The following UTY variants were observed in gnomAD, a reference collection of about 807,000 sequenced individuals.
UTY encodes ubiquitously transcribed tetratricopeptide repeat containing, Y-linked.
In UTY, 12 loss-of-function variants were observed where a neutral mutation model predicts 32.5. The ratio of observed to expected loss-of-function variants is 0.37; its 90% CI spans 0.24 to 0.60. The LOEUF is 0.60. Among genes scored for constraint, UTY ranks in the 20% least tolerant of loss-of-function variants. UTY has a pLI of 0.69. For missense variants in UTY, 303 were observed against 299.2 expected, an observed-to-expected ratio of 1.01 and a Z score of -0.09; for synonymous variants, 131 against 103.4, an observed-to-expected ratio of 1.27 and a Z score of -1.62.
intron 4 of UTY, among the ~76,000 whole-genome samples, chrY:13,428,920 TA>T (rs2073682950): frequency 2.9e-5 from 1 of 33,906 alleles, no homozygotes; most frequent in African/African-American, 1.2e-4. Flanking sequence ...TATTCCTATA[TA>T]TTTTTTTGTA....
Position 13,335,829 on chromosome Y carries a change from A to G in UTY, c.2568T>C (p.Asp856=). 2.5e-6 allele frequency: 1 copy of G among 399,173 alleles called. No homozygotes were observed. Among genetic ancestry groups the G allele is most frequent in the Non-Finnish European group, 3.5e-6 (1 of 283,718 alleles). Residue 856 remains aspartate, a synonymous_variant, in exon 18 of 30, where the codon GAT becomes GAC. Transcript: ENST00000545955. ...NIHPAVHTKT[D]HSVASSPSSA... Reference sequence around the variant, plus strand: ...AAGAGGGTGAAGAGGCAACAGAATGATCAGTCTTTGTATGAACAGCTGGGT... The same window carrying G: ...AAGAGGGTGAAGAGGCAACAGAATGGTCAGTCTTTGTATGAACAGCTGGGT...
chrY:13,317,073 G>C, intron 21 of UTY, among the ~76,000 whole-genome samples: 1 of 33,009 alleles, frequency 3.0e-5, no homozygotes, highest in Non-Finnish European at 7.5e-5. Flanking sequence ...GCACAGTCTC[G>C]GCTCACTGCA....
At chrY:13,438,869 A>G in intron 4 of UTY, among the ~76,000 whole-genome samples, 1 of 32,987 alleles carries the variant, frequency 3.0e-5, no homozygotes, top group Non-Finnish European at 7.4e-5. Context: ...TCCTCTGCTC[A>G]AAAGGCTGAG....
chrY:13,435,429 G>A, intron 4 of UTY, among the ~76,000 whole-genome samples: 7 of 33,129 alleles, frequency 2.1e-4, no homozygotes, highest in Admixed American at 1.9e-3. Context: ...GAGCCTGACT[G>A]GTCAAGATAA....
intron 27 of UTY, among the ~76,000 whole-genome samples, chrY:13,291,704 CATAAA>C (rs2057770490): frequency 3.0e-5 from 1 of 32,981 alleles, no homozygotes; most frequent in African/African-American, 1.2e-4. Flanking sequence ...CAAGAACTAA[CATAAA>C]ATAAAATAAA....
chrY:13,458,032 C>A (rs951340407), intron 3 of UTY, among the ~76,000 whole-genome samples: 2 of 33,728 alleles, frequency 5.9e-5, no homozygotes, highest in Non-Finnish European at 1.5e-4. Context: ...ATCAATACTG[C>A]TTCATAATAC....
intron 10 of UTY, among the ~76,000 whole-genome samples, chrY:13,360,778 T>C (rs867797410): frequency 6.0e-5 from 2 of 33,418 alleles, no homozygotes; most frequent in African/African-American, 1.2e-4. Context: ...TCTGAAACTA[T>C]TGAAGATTTC....
At chrY:13,396,864 A>T in intron 7 of UTY, 54 bp downstream of exon 7, 2 of 239,990 alleles carry the variant, frequency 8.3e-6, no homozygotes, top group Non-Finnish European at 1.3e-5. Flanking sequence ...TCAGTAGAAA[A>T]AAAGGTATCA....
At chrY:13,301,022 A>C (rs1037834628) in intron 25 of UTY, among the ~76,000 whole-genome samples, 9 of 31,949 alleles carry the variant, frequency 2.8e-4, no homozygotes, top group Admixed American at 2.3e-3. Context: ...CCTCCCAAAT[A>C]GCTGGGACTA....
At chrY:13,449,974 A>T (rs974871477) in intron 3 of UTY, among the ~76,000 whole-genome samples, 26 of 33,743 alleles carry the variant, frequency 7.7e-4, no homozygotes, top group African/African-American at 2.9e-3. Flanking sequence ...CACTGAATTT[A>T]GCTACAAAAA....
chrY:13,254,790 T>C (rs2054547046), intron 28 of UTY, among the ~76,000 whole-genome samples: 1 of 33,543 alleles, frequency 3.0e-5, no homozygotes, highest in East Asian at 7.8e-4. Context: ...TTATACCTAC[T>C]TCTGTTCCCT....
At chrY:13,306,337 C>A (rs956488089) in intron 21 of UTY, 87 bp from the exon 22 acceptor site, 18 of 193,966 alleles carry the variant, frequency 9.3e-5, no homozygotes, top group Non-Finnish European at 1.6e-4. Flanking sequence ...TCTACATGAG[C>A]AGTATTGACT....
chrY:13,444,212 T>A, intron 4 of UTY, among the ~76,000 whole-genome samples: 2 of 33,708 alleles, frequency 5.9e-5, no homozygotes. Context: ...TATTATAAAC[T>A]ACATACTCAA....
intron 28 of UTY, among the ~76,000 whole-genome samples, chrY:13,258,899 A>G (rs2055025372): frequency 2.9e-5 from 1 of 33,953 alleles, no homozygotes; most frequent in South Asian, 6.6e-4. Flanking sequence ...TGGCCCCAAA[A>G]CTGGCCAGAA....
intron 17 of UTY, among the ~76,000 whole-genome samples, chrY:13,347,317 G>GC (rs2061988516): frequency 6.0e-5 from 2 of 33,340 alleles, no homozygotes; most frequent in Admixed American, 5.5e-4. Context: ...AGTTTAGGAT[G>GC]CAAGACATGT....
chrY:13,243,389 C>CA (rs2053923314), downstream of UTY, among the ~76,000 whole-genome samples: 8 of 32,982 alleles, frequency 2.4e-4, no homozygotes, highest in East Asian at 6.1e-3. Context: ...CACTACAGAA[C>CA]ACTGACCTAG....
At chrY:13,333,543 C>G (rs2060834174) in intron 18 of UTY, among the ~76,000 whole-genome samples, 6 of 33,676 alleles carry the variant, frequency 1.8e-4, no homozygotes, top group Admixed American at 5.3e-4. Context: ...GAAACTGTAC[C>G]CCTTCCTTAC....
At chrY:13,269,607 C>CAAAACA (rs2056141936) in intron 27 of UTY, among the ~76,000 whole-genome samples, 93 of 30,509 alleles carry the variant, frequency 3.0e-3, no homozygotes, top group African/African-American at 0.012. Context: ...CAAAACAAAA[C>CAAAACA]AAAAAAAAAC....
At chrY:13,311,799 CG>C (rs2059119418) in intron 21 of UTY, among the ~76,000 whole-genome samples, 3 of 32,772 alleles carry the variant, frequency 9.2e-5, no homozygotes. Context: ...CCCTTCTCAA[CG>C]CTGGTTTTGC....
Sources: allele counts gnomAD v4.1 joint callset (sites outside exome capture counted in the v4.1 genomes callset), GRCh38; gene constraint gnomAD v4.1.1; transcripts MANE v1.5; gene names NCBI Gene and HGNC (gene_info 2026-07-23, HGNC 2026-07-21).